The following UBR3 variants were observed in gnomAD, a reference collection of about 807,000 sequenced individuals.
The protein encoded by UBR3 is ubiquitin protein ligase E3 component n-recognin 3.
In UBR3, 85 loss-of-function variants were observed where a neutral mutation model predicts 243.2. The ratio of observed to expected loss-of-function variants is 0.35; its 90% CI spans 0.29 to 0.42. The LOEUF (loss-of-function observed/expected upper bound fraction) is 0.42, where lower values mean the gene tolerates loss of function less well. Ranked by LOEUF, UBR3 falls within the 10% of genes least tolerant of loss-of-function variation. UBR3 has a pLI of 1.00. For synonymous variants in UBR3, 748 were observed against 799.8 expected, an observed-to-expected ratio of 0.94 and a Z score of 1.09; for missense variants, 1,686 against 2,300.8, an observed-to-expected ratio of 0.73 and a Z score of 5.47.
chr2:169,846,709 CAAAAAA>C (rs58234876), intron 1 of UBR3, among the ~76,000 whole-genome samples: 1 of 114,726 alleles, frequency 8.7e-6, no homozygotes, highest in South Asian at 2.8e-4. Flanking sequence ...GACTCTGTCT[CAAAAAA>C]AAAAAAAAAA....
intron 24 of UBR3, among the ~76,000 whole-genome samples, chr2:169,972,768 A>T (rs1373767302): frequency 6.6e-6 from 1 of 151,814 alleles, no homozygotes; most frequent in African/African-American, 2.4e-5. Flanking sequence ...CGTATCTCAA[A>T]ATAATAAGAA....
At chr2:170,053,717 G>C (rs1314155874) in intron 32 of UBR3, among the ~76,000 whole-genome samples, 2 of 152,152 alleles carry the variant, frequency 1.3e-5, no homozygotes, top group Non-Finnish European at 1.5e-5. Flanking sequence ...TTAAAAAGTA[G>C]AATTAACAGG....
chr2:169,951,558 T>A (rs2087030773), intron 23 of UBR3, among the ~76,000 whole-genome samples: 2 of 152,156 alleles, frequency 1.3e-5, no homozygotes, highest in African/African-American at 4.8e-5. Flanking sequence ...CACAGGGTGT[T>A]AATGGGAGTA....
intron 11 of UBR3, among the ~76,000 whole-genome samples, chr2:169,915,603 A>T (rs148088358): frequency 1.3e-5 from 2 of 152,226 alleles, no homozygotes; most frequent in African/African-American, 4.8e-5. Context: ...CAGATTATGT[A>T]TCTTTTTCAG....
chr2:169,934,061 T>G (rs2086236492), intron 19 of UBR3, among the ~76,000 whole-genome samples: 1 of 152,234 alleles, frequency 6.6e-6, no homozygotes. Context: ...TACTTAACTC[T>G]TAGCTCCTTG....
At chr2:169,855,430 G>A (rs952222182) in intron 1 of UBR3, among the ~76,000 whole-genome samples, 1 of 151,968 alleles carries the variant, frequency 6.6e-6, no homozygotes, top group Non-Finnish European at 1.5e-5. Context: ...GGACAATAGT[G>A]GAGGGAAGGT....
chr2:169,830,700 T>G (rs1045059525), intron 1 of UBR3, among the ~76,000 whole-genome samples: 2 of 152,160 alleles, frequency 1.3e-5, no homozygotes. Flanking sequence ...CTTTGTTTCT[T>G]TCTTTTTAAA....
intron 1 of UBR3, among the ~76,000 whole-genome samples, chr2:169,847,544 G>A (rs559929470): frequency 7.6e-4 from 116 of 152,162 alleles, no homozygotes; most frequent in African/African-American, 2.6e-3. Context: ...ATAAACCCCT[G>A]AATATAATGT....
At chr2:169,870,594 T>C (rs2083402505) in intron 1 of UBR3, among the ~76,000 whole-genome samples, 5 of 152,206 alleles carry the variant, frequency 3.3e-5, no homozygotes, top group Admixed American at 2.6e-4. Context: ...TAGTTTGTGA[T>C]TAATTCTATT....
chr2:169,856,776 G>C (rs1460070844), intron 1 of UBR3, among the ~76,000 whole-genome samples: 1 of 151,522 alleles, frequency 6.6e-6, no homozygotes, highest in African/African-American at 2.4e-5. Flanking sequence ...AGCCAAGATG[G>C]CGGCAGTACA....
chr2:169,999,354 A>G (rs1419974516), intron 26 of UBR3, among the ~76,000 whole-genome samples: 1 of 152,228 alleles, frequency 6.6e-6, no homozygotes, highest in Non-Finnish European at 1.5e-5. Flanking sequence ...ATGCAGCTTC[A>G]CATCTTTAAA....
chr2:169,854,985 A>G (rs115406320), intron 1 of UBR3, among the ~76,000 whole-genome samples: 1 of 152,232 alleles, frequency 6.6e-6, no homozygotes, highest in Non-Finnish European at 1.5e-5. Context: ...TGCAGCCTGG[A>G]TTTTTTGAGT....
chr2:170,080,692 G>A lies in UBR3; in HGVS notation c.5549+8G>A, dbSNP rs756083380. The A allele has an allele frequency of 6.2e-6, 10 of 1,613,246 alleles. No homozygotes were observed. Among genetic ancestry groups the A allele is most frequent in the Middle Eastern group, 1.6e-4 (1 of 6,078 alleles). On this transcript the variant is annotated splice_region_variant and intron_variant, in intron 38 of 38. Coordinates refer to ENST00000272793, the MANE Select transcript of UBR3 (RefSeq NM_172070.4). ...GGAAGACCGGGATCTTAGGTTAGATGTTCATGGATATATCCAGGTGTTTTA... is the reference window on the plus strand; with the variant it reads ...GGAAGACCGGGATCTTAGGTTAGATATTCATGGATATATCCAGGTGTTTTA...
chr2:170,076,852 T>C (rs939713080), intron 36 of UBR3, among the ~76,000 whole-genome samples: 3 of 152,210 alleles, frequency 2.0e-5, no homozygotes, highest in Non-Finnish European at 4.4e-5. Flanking sequence ...CTTTCAAGCT[T>C]GGTCTATGGT....
At chr2:169,951,226 CA>C (rs1302895129) in intron 23 of UBR3, among the ~76,000 whole-genome samples, 2 of 152,076 alleles carry the variant, frequency 1.3e-5, no homozygotes, top group African/African-American at 4.8e-5. Flanking sequence ...CTGTTGTGAG[CA>C]GTATGACTAA....
At chr2:169,893,265 T>C (rs1008033799) in intron 6 of UBR3, among the ~76,000 whole-genome samples, 2 of 152,214 alleles carry the variant, frequency 1.3e-5, no homozygotes, top group South Asian at 4.1e-4. Context: ...TTTCCTGGTA[T>C]ATTCAGGTTG....
At chr2:169,836,006 T>C (rs1208648463) in intron 1 of UBR3, among the ~76,000 whole-genome samples, 2,830 of 19,890 alleles carry the variant, frequency 0.14, 273 homozygotes, top group East Asian at 0.17. Flanking sequence ...TCTCTCTCTC[T>C]CTCTCTCTCT....
At chr2:169,925,564 T>C in intron 13 of UBR3, 55 bp from the exon 14 acceptor site, 1 of 1,448,636 alleles carries the variant, frequency 6.9e-7, no homozygotes, top group Non-Finnish European at 9.3e-7. Context: ...ATTTATAATA[T>C]TTTGTAAAGA....
chr2:170,014,839 A>G (rs2090187490), intron 29 of UBR3: 1 of 153,250 alleles, frequency 6.5e-6, no homozygotes, highest in African/African-American at 2.4e-5. Context: ...CCAATGAATG[A>G]TAACCATTTC....
Sources: allele counts gnomAD v4.1 joint callset (sites outside exome capture counted in the v4.1 genomes callset), GRCh38; gene constraint gnomAD v4.1.1; transcripts MANE v1.5; gene names NCBI Gene and HGNC (gene_info 2026-07-23, HGNC 2026-07-21).